HPSE2: variants seen among roughly 807,000 people sequenced by gnomAD.
HPSE2 encodes heparanase 2 (inactive), also known as inactive heparanase-2.
A neutral mutation model predicts 60.5 loss-of-function variants in HPSE2; 38 were observed. The ratio of observed to expected loss-of-function variants is 0.63; its 90% CI spans 0.48 to 0.82. The LOEUF (loss-of-function observed/expected upper bound fraction) is 0.82. HPSE2 is among the 40% of genes least tolerant of loss of function. The pLI is 0.00. For missense variants in HPSE2, 713 were observed against 740.4 expected (o/e 0.96, Z 0.43); for synonymous variants, 295 against 293.2 (o/e 1.01, Z -0.06).
At chr10:98,668,195 T>C (rs1947417377) in intron 6 of HPSE2, among the ~76,000 whole-genome samples, 1 of 152,098 alleles carries the variant, frequency 6.6e-6, no homozygotes. Flanking sequence ...TACCTAGGAA[T>C]ATATCTAACC....
At chr10:98,676,338 TC>T (rs1399278589) in intron 6 of HPSE2, among the ~76,000 whole-genome samples, 1 of 152,212 alleles carries the variant, frequency 6.6e-6, no homozygotes, top group Non-Finnish European at 1.5e-5. Flanking sequence ...CCAGCCTTAC[TC>T]TTCAAGTAAA....
chr10:98,778,046 C>T (rs1238133105), intron 3 of HPSE2, among the ~76,000 whole-genome samples: 1 of 152,044 alleles, frequency 6.6e-6, no homozygotes, highest in Non-Finnish European at 1.5e-5. Flanking sequence ...AGGTTTCTCT[C>T]CATAGAGGCC....
rs543662422 is a variant in HPSE2 at position 99,108,700 on chromosome 10, G to C, written c.610+35538C>G. ...AAGTCCCTCCTAGGTTTATACTGTAGCCTTAGTCCTTTTAGCATGAAGTGG... is the reference window on the plus strand; with the variant it reads ...AAGTCCCTCCTAGGTTTATACTGTACCCTTAGTCCTTTTAGCATGAAGTGG... On this transcript the variant is annotated intron_variant, in intron 3 of 11. Transcript: ENST00000370552. Among the ~76,000 whole-genome samples the C allele has an allele frequency of 8.5e-4, 130 of 152,286 alleles. 1 individual carries two copies. Among genetic ancestry groups the C allele is most frequent in the African/African-American group, 3.0e-3 (123 of 41,554 alleles).
At chr10:99,214,826 CAT>C (rs779637574) in intron 2 of HPSE2, among the ~76,000 whole-genome samples, 1 of 151,780 alleles carries the variant, frequency 6.6e-6, no homozygotes, top group Non-Finnish European at 1.5e-5. Flanking sequence ...GGCCAAAAAA[CAT>C]ATGATAAAAA....
intron 9 of HPSE2, among the ~76,000 whole-genome samples, chr10:98,504,719 G>A (rs1292461476): frequency 6.6e-6 from 1 of 151,880 alleles, no homozygotes; most frequent in African/African-American, 2.4e-5. Context: ...GAACCCAGGA[G>A]GTGGAGCTTG....
chr10:98,800,172 A>G (rs546840134), intron 3 of HPSE2, among the ~76,000 whole-genome samples: 3 of 151,994 alleles, frequency 2.0e-5, no homozygotes, highest in African/African-American at 7.2e-5. Context: ...GTTCAAGACC[A>G]GCCTGGGCAA....
chr10:98,639,572 T>A (rs1178258925), intron 7 of HPSE2, among the ~76,000 whole-genome samples: 1 of 152,224 alleles, frequency 6.6e-6, no homozygotes, highest in African/African-American at 2.4e-5. Context: ...AGGTTTGTTT[T>A]TAAAGATCTG....
intron 9 of HPSE2, among the ~76,000 whole-genome samples, chr10:98,548,744 T>G (rs2133847193): frequency 6.6e-6 from 1 of 152,356 alleles, no homozygotes; most frequent in East Asian, 1.9e-4. Context: ...GCTGAGATGT[T>G]AGGCCCATTG....
intron 9 of HPSE2, among the ~76,000 whole-genome samples, chr10:98,513,031 C>T (rs1229008532): frequency 6.6e-6 from 1 of 152,142 alleles, no homozygotes; most frequent in Non-Finnish European, 1.5e-5. Flanking sequence ...GTGGGATTAT[C>T]CAGTTCATAT....
chr10:98,897,349 A>G (rs536380417), intron 3 of HPSE2, among the ~76,000 whole-genome samples: 7 of 152,296 alleles, frequency 4.6e-5, no homozygotes, highest in Admixed American at 2.6e-4. Flanking sequence ...ATAGAAAAAT[A>G]AAGTTTATAT....
chr10:98,579,123 A>G (rs1178429651), intron 9 of HPSE2, among the ~76,000 whole-genome samples: 2 of 152,142 alleles, frequency 1.3e-5, no homozygotes, highest in Non-Finnish European at 2.9e-5. Context: ...GAAGAATGGC[A>G]AGACCCGGAG....
intron 5 of HPSE2, among the ~76,000 whole-genome samples, chr10:98,717,954 AT>A (rs1258224320): frequency 3.9e-5 from 6 of 152,182 alleles, no homozygotes; most frequent in Admixed American, 2.6e-4. Flanking sequence ...TGGATATATA[AT>A]TTTTTTAGAT....
chr10:98,627,473 C>T (rs903772349), intron 7 of HPSE2, among the ~76,000 whole-genome samples: 3 of 152,138 alleles, frequency 2.0e-5, no homozygotes, highest in African/African-American at 7.2e-5. Context: ...TCAGAATTCT[C>T]TTCTGACTTG....
intron 3 of HPSE2, among the ~76,000 whole-genome samples, chr10:99,132,272 AAAG>A: frequency 1.3e-5 from 2 of 150,268 alleles, no homozygotes; most frequent in Non-Finnish European, 3.0e-5. Context: ...AGAAAGAAAG[AAAG>A]AAAAGAAATT....
At chr10:99,004,515 T>TA (rs1415183794) in intron 3 of HPSE2, among the ~76,000 whole-genome samples, 7 of 151,994 alleles carry the variant, frequency 4.6e-5, no homozygotes, top group East Asian at 1.9e-4. Context: ...TTGATTGCAT[T>TA]AAAAAAAACT....
intron 3 of HPSE2, among the ~76,000 whole-genome samples, chr10:98,927,133 G>C (rs1310638259): frequency 6.6e-6 from 1 of 152,094 alleles, no homozygotes; most frequent in Non-Finnish European, 1.5e-5. Context: ...GCTTGGTGCA[G>C]AGCTGAGTTC....
At chr10:99,176,535 C>G (rs1411185821) in intron 2 of HPSE2, among the ~76,000 whole-genome samples, 1 of 151,580 alleles carries the variant, frequency 6.6e-6, no homozygotes. Flanking sequence ...GATTGAAGAG[C>G]AACTTAATGA....
At chr10:98,662,029 G>A (rs1414533543) in intron 6 of HPSE2, among the ~76,000 whole-genome samples, 1 of 152,122 alleles carries the variant, frequency 6.6e-6, no homozygotes, top group Non-Finnish European at 1.5e-5. Context: ...TGAGTAGCTG[G>A]GACTACAGGC....
At chr10:99,154,006 T>G (rs1031834937) in intron 2 of HPSE2, among the ~76,000 whole-genome samples, 2 of 151,876 alleles carry the variant, frequency 1.3e-5, no homozygotes, top group African/African-American at 4.8e-5. Flanking sequence ...GTATCAGCAA[T>G]GGAAGATGAA....
Sources: gnomAD v4.1 joint callset for allele counts (sites outside exome capture counted in the v4.1 genomes callset) on GRCh38, gnomAD v4.1.1 for gene constraint, MANE v1.5 for transcripts, NCBI Gene and HGNC (gene_info 2026-07-23, HGNC 2026-07-21) for gene names.